RAB6A: variants seen among roughly 807,000 people sequenced by gnomAD.
RAB6A encodes ras-related protein Rab-6A.
In RAB6A, 8 loss-of-function variants were observed where a neutral mutation model predicts 32.3. The ratio of observed to expected loss-of-function variants is 0.25; its 90% CI spans 0.15 to 0.45. RAB6A has a LOEUF of 0.45. RAB6A is among the 20% of genes least tolerant of loss of function. RAB6A has a pLI of 1.00. For missense variants in RAB6A, 104 were observed against 249.4 expected, an observed-to-expected ratio of 0.42 and a Z score of 3.93; for synonymous variants, 73 against 82.1, an observed-to-expected ratio of 0.89 and a Z score of 0.60.
chr11:73,755,489 C>T (rs1398887123), intron 1 of RAB6A, among the ~76,000 whole-genome samples: 2 of 152,020 alleles, frequency 1.3e-5, no homozygotes, highest in Non-Finnish European at 2.9e-5. Context: ...AACGGGGTTT[C>T]GCCATGTTGC....
intron 6 of RAB6A, among the ~76,000 whole-genome samples, chr11:73,702,569 A>G (rs1004490962): frequency 2.0e-5 from 3 of 152,250 alleles, no homozygotes; most frequent in African/African-American, 7.2e-5. Flanking sequence ...AGAACATTCA[A>G]TAAGATAGAC....
At chr11:73,698,395 C>G (rs1945687279) in intron 6 of RAB6A, among the ~76,000 whole-genome samples, 1 of 152,118 alleles carries the variant, frequency 6.6e-6, no homozygotes, top group Non-Finnish European at 1.5e-5. Context: ...TAATCTTAAG[C>G]AAGTTACTTG....
chr11:73,704,781 G>A (rs1945807932), intron 6 of RAB6A, among the ~76,000 whole-genome samples: 2 of 151,844 alleles, frequency 1.3e-5, no homozygotes, highest in South Asian at 4.2e-4. Flanking sequence ...CAGATCACGA[G>A]GTCAGGAGAT....
chr11:73,737,368 C>T (rs1398468409), intron 1 of RAB6A, among the ~76,000 whole-genome samples: 2 of 151,788 alleles, frequency 1.3e-5, no homozygotes, highest in Admixed American at 1.3e-4. Context: ...ACCTGTAGTC[C>T]CCTACTTGGC....
At chr11:73,716,418 T>A in intron 4 of RAB6A, 56 bp from the exon 5 acceptor site, 1 of 1,324,736 alleles carries the variant, frequency 7.5e-7, no homozygotes, top group Non-Finnish European at 1.1e-6. Flanking sequence ...CCTCCCCAGG[T>A]GGTGGGCACC....
chr11:73,747,446 G>A (rs1448446525), intron 1 of RAB6A, among the ~76,000 whole-genome samples: 1 of 85,112 alleles, frequency 1.2e-5, no homozygotes, highest in African/African-American at 4.4e-5. Flanking sequence ...ACCCCCCCCC[G>A]CCCCGCCCCC....
At chr11:73,689,363 T>G (rs1386154472) in intron 6 of RAB6A, among the ~76,000 whole-genome samples, 1 of 152,146 alleles carries the variant, frequency 6.6e-6, no homozygotes, top group African/African-American at 2.4e-5. Flanking sequence ...GTGTTCATGC[T>G]CCTAGGAGAA....
chr11:73,745,871 G>A (rs766269499), intron 1 of RAB6A, among the ~76,000 whole-genome samples: 7 of 151,770 alleles, frequency 4.6e-5, no homozygotes, highest in Admixed American at 3.3e-4. Context: ...GTGGTGGCAC[G>A]CATCTGTAGT....
chr11:73,732,177 C>T (rs1190952895), intron 1 of RAB6A, among the ~76,000 whole-genome samples: 1 of 152,086 alleles, frequency 6.6e-6, no homozygotes, highest in East Asian at 1.9e-4. Flanking sequence ...TTGCCAGTGG[C>T]TTGACACAGA....
intron 6 of RAB6A, among the ~76,000 whole-genome samples, chr11:73,688,616 G>C (rs1418541085): frequency 6.6e-6 from 1 of 152,154 alleles, no homozygotes; most frequent in Non-Finnish European, 1.5e-5. Flanking sequence ...TTTACCACCT[G>C]ACTCTAGTAT....
intron 3 of RAB6A, among the ~76,000 whole-genome samples, chr11:73,719,258 A>G (rs921483042): frequency 6.6e-6 from 1 of 152,206 alleles, no homozygotes; most frequent in Non-Finnish European, 1.5e-5. Context: ...AAACAAAAAA[A>G]CCTAAGGTAA....
chr11:73,758,159 T>C (rs552898794), intron 1 of RAB6A, among the ~76,000 whole-genome samples: 75 of 152,152 alleles, frequency 4.9e-4, no homozygotes, highest in Non-Finnish European at 8.7e-4. Flanking sequence ...AAGAAAACTA[T>C]AGACACTGAC....
intron 1 of RAB6A, among the ~76,000 whole-genome samples, chr11:73,738,456 C>T (rs991380635): frequency 6.6e-6 from 1 of 152,024 alleles, no homozygotes; most frequent in Non-Finnish European, 1.5e-5. Context: ...CAAGGCTAGC[C>T]GGGCAACAAA....
At chr11:73,715,048 A>G (rs1274158227) in intron 5 of RAB6A, among the ~76,000 whole-genome samples, 1 of 152,198 alleles carries the variant, frequency 6.6e-6, no homozygotes, top group Admixed American at 6.5e-5. Flanking sequence ...TTCATGTCCA[A>G]AACATATTTT....
At chr11:73,687,990 C>A (rs775902367) in intron 6 of RAB6A, among the ~76,000 whole-genome samples, 5 of 152,164 alleles carry the variant, frequency 3.3e-5, no homozygotes, top group Non-Finnish European at 7.3e-5. Context: ...TAGTGTCTTT[C>A]TTAGTGTATC....
In RAB6A at chr11:73,707,455, C is replaced by G; in HGVS notation, c.460G>C (p.Glu154Gln). The change falls in exon 6 of 8, where the codon GAA becomes CAA. Residue 154 changes from glutamate (E) to glutamine (Q), a missense_variant. By Grantham distance (29) the Glu-to-Gln change is conservative. Around this residue, in one of 4 missense-constraint regions of RAB6A, gnomAD observed 33 missense variants for 59.5 expected, o/e 0.55. Coordinates refer to ENST00000336083, the MANE Select transcript of RAB6A (RefSeq NM_198896.2). ...TTGTATCCAGCTTTTGCACTAGTTTCAATAAACATAACATTCAGCTCTTTG... is the reference window on the plus strand; with the variant it reads ...TTGTATCCAGCTTTTGCACTAGTTTGAATAAACATAACATTCAGCTCTTTG... ...KAKELNVMFI[E>Q]TSAKAGYNVK... is the part of the protein sequence containing the mutation. The G allele has an allele frequency of 6.2e-7, 1 of 1,613,778 alleles. No individual in the cohort carries two copies. Among genetic ancestry groups the G allele is most frequent in the Non-Finnish European group, 8.5e-7 (1 of 1,179,806 alleles).
At chr11:73,720,620 T>C (rs1229849332) in intron 3 of RAB6A, among the ~76,000 whole-genome samples, 1 of 152,254 alleles carries the variant, frequency 6.6e-6, no homozygotes, top group Non-Finnish European at 1.5e-5. Flanking sequence ...AATTTCTTCA[T>C]AAAAATTCTC....
chr11:73,739,615 A>G (rs560623246), intron 1 of RAB6A, among the ~76,000 whole-genome samples: 21 of 152,090 alleles, frequency 1.4e-4, no homozygotes, highest in African/African-American at 5.1e-4. Context: ...ATTAAAAGTT[A>G]GATAAACTAA....
chr11:73,716,039 A>G (rs945164900), intron 5 of RAB6A, among the ~76,000 whole-genome samples: 5 of 152,248 alleles, frequency 3.3e-5, no homozygotes, highest in Non-Finnish European at 7.3e-5. Context: ...TTATTTACAC[A>G]TGGGCTTAAA....
Sources: allele counts gnomAD v4.1 joint callset (sites outside exome capture counted in the v4.1 genomes callset), GRCh38; gene constraint gnomAD v4.1.1; regional missense constraint gnomAD v4.1.1; transcripts MANE v1.5; gene names NCBI Gene and HGNC (gene_info 2026-07-23, HGNC 2026-07-21).